Variants in BASP1 observed in about 807,000 individuals in gnomAD.
The protein encoded by BASP1 is brain abundant membrane attached signal protein 1.
A neutral mutation model predicts 2.2 loss-of-function variants in BASP1; 1 was observed. The observed-to-expected ratio is 0.46, with a 90% confidence interval of 0.16 to 2.17. BASP1 has a LOEUF of 2.17. BASP1 is among the 30% of genes most tolerant of loss of function. BASP1 has a pLI of 0.27. For missense variants in BASP1, 352 were observed against 327.2 expected (o/e 1.08, Z -0.58); for synonymous variants, 187 against 154.2 (o/e 1.21, Z -1.58).
chr5:17,275,115 C>T lies in BASP1; in HGVS notation c.-9-93C>T, dbSNP rs947176664. ...CCTTTGGGGTGTGCAGTGCAGCAGG[C>T]CCAGAACCCCTTGCTTTGCAAAATG... On this transcript the variant is annotated intron_variant, in intron 1 of 1. Coordinates refer to ENST00000322611, the MANE Select transcript of BASP1 (RefSeq NM_006317.5). This position sits in a 1 kb window ranked among gnomAD's most constrained non-coding sequence, Gnocchi z 5.3. 1 of 1,226,480 alleles carries T rather than the reference C, an allele frequency of 8.2e-7. No individual in the cohort carries two copies. Among genetic ancestry groups the T allele is most frequent in the Non-Finnish European group, 1.2e-6 (1 of 857,682 alleles). 76.0% of individuals were successfully genotyped at this position (1,226,480 alleles called of 1,614,324 possible).
At chr5:17,243,907 A>G (rs1324991226) in intron 1 of BASP1, among the ~76,000 whole-genome samples, 3 of 152,208 alleles carry the variant, frequency 2.0e-5, no homozygotes, top group African/African-American at 7.2e-5. Context: ...CTCTTGCCAG[A>G]ATGTTCATCG....
At chr5:17,232,514 C>T (rs1039968284) in intron 1 of BASP1, among the ~76,000 whole-genome samples, 8 of 152,188 alleles carry the variant, frequency 5.3e-5, no homozygotes, top group Non-Finnish European at 1.0e-4. Flanking sequence ...TAGGACCTTG[C>T]TTTGTTCATC....
intron 1 of BASP1, among the ~76,000 whole-genome samples, chr5:17,261,801 CAAAT>C (rs1320683262): frequency 2.0e-5 from 3 of 152,280 alleles, no homozygotes; most frequent in Admixed American, 1.3e-4. Context: ...TCCTTGTAAA[CAAAT>C]AAAAGTCTTG....
intron 1 of BASP1, among the ~76,000 whole-genome samples, chr5:17,267,020 A>C (rs1333411795): frequency 1.3e-5 from 2 of 152,194 alleles, no homozygotes; most frequent in Non-Finnish European, 2.9e-5. Flanking sequence ...GTTTCTACAT[A>C]ACACTAAACT....
At chr5:17,252,984 T>C (rs1740131504) in intron 1 of BASP1, among the ~76,000 whole-genome samples, 1 of 152,210 alleles carries the variant, frequency 6.6e-6, no homozygotes, top group Non-Finnish European at 1.5e-5. Context: ...AATAGGTCAA[T>C]GAATGGCCAT....
chr5:17,253,752 G>A (rs976677857), intron 1 of BASP1, among the ~76,000 whole-genome samples: 15 of 152,046 alleles, frequency 9.9e-5, no homozygotes, highest in Non-Finnish European at 2.2e-4. Context: ...CACCATCTGT[G>A]TGCATCCCGA....
At chr5:17,249,423 CAA>C (rs942646186) in intron 1 of BASP1, among the ~76,000 whole-genome samples, 4 of 152,134 alleles carry the variant, frequency 2.6e-5, no homozygotes, top group African/African-American at 9.7e-5. Flanking sequence ...TTGGGGCCAG[CAA>C]AAGTCTAGAT....
At chr5:17,272,698 T>C (rs1210753953) in intron 1 of BASP1, among the ~76,000 whole-genome samples, 1 of 152,168 alleles carries the variant, frequency 6.6e-6, no homozygotes. Context: ...CCAGGGGCGT[T>C]TGTTAACTTT....
At chr5:17,268,828 TAAG>T (rs1740478274) in intron 1 of BASP1, among the ~76,000 whole-genome samples, 1 of 152,206 alleles carries the variant, frequency 6.6e-6, no homozygotes, top group South Asian at 2.1e-4. Flanking sequence ...CTCTCAATAG[TAAG>T]AAGGAGTTTA....
In BASP1 at chr5:17,275,708, TGACGGGGCCCCAGCTTCA is replaced by T; in HGVS notation, c.496_513del (p.Gly166_Asp171del). 1 of 1,605,260 alleles carries T rather than the reference TGACGGGGCCCCAGCTTCA, an allele frequency of 6.2e-7. No individual in the cohort carries two copies. The highest frequency in any genetic ancestry group is 2.2e-5 in the East Asian group (1 of 44,560). On this transcript the variant is annotated inframe_deletion, in exon 2 of 2. Transcript: ENST00000322611. This position sits in a 1 kb window ranked among gnomAD's most constrained non-coding sequence, Gnocchi z 5.3. Reference sequence around the variant, plus strand: ...CTCCTGCCGCCCAGGAGACCAAAAGTGACGGGGCCCCAGCTTCAGACTCAAAACCCGGCAGCTCGGAGG... The same window carrying T: ...CTCCTGCCGCCCAGGAGACCAAAAGTGACTCAAAACCCGGCAGCTCGGAGG...
intron 1 of BASP1, among the ~76,000 whole-genome samples, chr5:17,261,244 C>A (rs1740310288): frequency 1.3e-5 from 2 of 152,162 alleles, no homozygotes; most frequent in South Asian, 2.1e-4. Flanking sequence ...GCTCCTAAAA[C>A]CATTTATAAT....
chr5:17,219,156 C>T lies in BASP1; in HGVS notation c.-10+1346C>T, dbSNP rs534909755. Among the ~76,000 whole-genome samples the T allele has an allele frequency of 2.0e-5, 3 of 151,688 alleles. No homozygotes were observed. The East Asian group carries it at 5.9e-4, about 30-fold the overall frequency. ...GGGCCAACAGACCCCCAGTATACTG[C>T]AGGCAAAATGAATGAATCGGGACTG... On this transcript the variant is annotated intron_variant, in intron 1 of 1. Transcript: ENST00000322611.
intron 1 of BASP1, among the ~76,000 whole-genome samples, chr5:17,271,024 C>T (rs937938847): frequency 2.6e-5 from 4 of 152,202 alleles, no homozygotes; most frequent in Non-Finnish European, 5.9e-5. Context: ...ATTCCTCTCT[C>T]TACTACTGTT....
intron 1 of BASP1, among the ~76,000 whole-genome samples, chr5:17,244,111 T>C (rs1739929200): frequency 1.3e-5 from 2 of 152,256 alleles, no homozygotes; most frequent in Admixed American, 6.5e-5. Flanking sequence ...ATTTCCAATG[T>C]ATACCTTCTT....
At position 17,276,651 on chromosome 5, in the gene BASP1, AAG is replaced by A. The variant is rs1491036903; in HGVS notation, c.*752_*753del. ...TGGAAATGAAAAAAAAAAAAAAAAA[AAG>A]TCTGCGTTCATTGCAGTTCCAGTTT... On this transcript the variant is annotated 3_prime_UTR_variant, in exon 2 of 2. Coordinates refer to ENST00000322611, the MANE Select transcript of BASP1 (RefSeq NM_006317.5). 6.1e-6 allele frequency: 1 copy of A among 163,774 alleles called. No homozygotes were observed. Among genetic ancestry groups the A allele is most frequent in the Non-Finnish European group, 1.5e-5 (1 of 67,686 alleles). 10.1% of individuals were successfully genotyped at this position (163,774 alleles called of 1,614,324 possible). A position where few individuals can be genotyped will look rare whatever the true frequency, so the allele number is the denominator to read the frequency against.
intron 1 of BASP1, among the ~76,000 whole-genome samples, chr5:17,268,534 G>GT (rs1740467965): frequency 6.6e-6 from 1 of 152,156 alleles, no homozygotes; most frequent in Non-Finnish European, 1.5e-5. Context: ...AAGAATTGTG[G>GT]TTTTTTAGTG....
At chr5:17,232,478 A>G (rs1739651947) in intron 1 of BASP1, among the ~76,000 whole-genome samples, 1 of 152,040 alleles carries the variant, frequency 6.6e-6, no homozygotes, top group Admixed American at 6.6e-5. Context: ...GTGACTACTT[A>G]CTCTGCATCG....
intron 1 of BASP1, among the ~76,000 whole-genome samples, chr5:17,223,202 A>T (rs1262852788): frequency 6.6e-6 from 1 of 152,174 alleles, no homozygotes; most frequent in African/African-American, 2.4e-5. Context: ...CCACAGCACC[A>T]GGTTCGAATC....
intron 1 of BASP1, among the ~76,000 whole-genome samples, chr5:17,259,768 C>G (rs1368232851): frequency 1.3e-5 from 2 of 152,160 alleles, no homozygotes; most frequent in Non-Finnish European, 2.9e-5. Flanking sequence ...CCCTAATCAC[C>G]AGCCTGTCTT....
Sources: gnomAD v4.1 joint callset for allele counts (sites outside exome capture counted in the v4.1 genomes callset) on GRCh38, gnomAD v4.1.1 for gene constraint, Gnocchi (gnomAD v3.1) non-coding constraint, MANE v1.5 for transcripts, NCBI Gene and HGNC (gene_info 2026-07-23, HGNC 2026-07-21) for gene names.